The following GAPVD1 variants were observed in gnomAD, a reference collection of about 807,000 sequenced individuals.
The protein encoded by GAPVD1 is GTPase-activating protein and VPS9 domain-containing protein 1.
A neutral mutation model predicts 155.5 loss-of-function variants in GAPVD1; 35 were observed. That is an observed-to-expected ratio of 0.23 (90% CI 0.17 to 0.30). GAPVD1 has a LOEUF of 0.30. Among genes scored for constraint, GAPVD1 ranks in the 10% least tolerant of loss-of-function variants. The probability of loss-of-function intolerance (pLI) is 1.00; values close to 1 mark genes in which losing one functional copy is unlikely to be tolerated. For missense variants in GAPVD1, 1,429 were observed against 1,775.7 expected (o/e 0.80, Z 3.51); for synonymous variants, 636 against 619.7 (o/e 1.03, Z -0.39).
rs1311203013 is a variant in GAPVD1, at chr9:125,362,682, C to A, written c.4319C>A (p.Ser1440Tyr). The A allele has an allele frequency of 6.2e-7, 1 of 1,613,360 alleles. No homozygotes were observed. Among genetic ancestry groups the A allele is most frequent in the Admixed American group, 1.7e-5 (1 of 59,950 alleles). The change falls in exon 28 of 28, where the codon TCC becomes TAC. Residue 1440 changes from serine (S) to tyrosine (Y), a missense_variant. Coordinates refer to ENST00000297933, the MANE Select transcript of GAPVD1 (RefSeq NM_001282680.3). ...GCTAGCTGTCTGTCTGGAGAGGAGT[C>A]CTATTGGTGGATGCAGTTCACAGCA... ...FYASCLSGEE[S>Y]YWWMQFTAAV...
At chr9:125,295,901 G>A (rs933244675) in intron 3 of GAPVD1, among the ~76,000 whole-genome samples, 2 of 152,016 alleles carry the variant, frequency 1.3e-5, no homozygotes, top group Non-Finnish European at 2.9e-5. Flanking sequence ...TAGGCGATTT[G>A]GCTAGGCTCC....
intron 8 of GAPVD1, among the ~76,000 whole-genome samples, chr9:125,311,990 G>A (rs764688562): frequency 6.6e-6 from 1 of 152,158 alleles, no homozygotes; most frequent in Non-Finnish European, 1.5e-5. Flanking sequence ...AAAGTGCTAG[G>A]ATTACAGGAG....
intron 23 of GAPVD1, among the ~76,000 whole-genome samples, chr9:125,353,046 A>G (rs963927924): frequency 1.3e-5 from 2 of 152,026 alleles, no homozygotes; most frequent in Non-Finnish European, 2.9e-5. Flanking sequence ...AGCGGAGGTT[A>G]CAGTGAGCTG....
At chr9:125,341,537 A>C (rs1457810539) in intron 18 of GAPVD1, 1 of 274,064 alleles carries the variant, frequency 3.6e-6, no homozygotes, top group Admixed American at 4.8e-5. Flanking sequence ...GAAGTTAAAC[A>C]TATAGAGGAC....
intron 23 of GAPVD1, among the ~76,000 whole-genome samples, chr9:125,352,790 C>T (rs1232066884): frequency 3.3e-5 from 5 of 152,126 alleles, no homozygotes; most frequent in Admixed American, 2.0e-4. Flanking sequence ...AGTTTCTGAA[C>T]GTTTATGCTC....
chr9:125,292,198 C>G lies in GAPVD1; in HGVS notation c.-149-3260C>G, dbSNP rs1428738466. ...GCTGCAGTGAGCCATGATACCGCCA[C>G]TGCACTCCGCTTGGATGACAGCAAG... is the stretch of plus-strand genomic sequence containing the variant. On this transcript the variant is annotated intron_variant, in intron 2 of 27. Transcript: ENST00000297933. Among the ~76,000 whole-genome samples the G allele has an allele frequency of 3.9e-5, 6 of 152,246 alleles. No homozygotes were observed. In the East Asian group the frequency reaches 1.2e-3, roughly 29 times the overall value.
intron 2 of GAPVD1, among the ~76,000 whole-genome samples, chr9:125,274,326 GT>G (rs952978581): frequency 6.6e-6 from 1 of 151,302 alleles, no homozygotes; most frequent in Non-Finnish European, 1.5e-5. Context: ...CCTGTTCTTT[GT>G]TTTTTTAAAA....
At chr9:125,289,178 T>C (rs983549736) in intron 2 of GAPVD1, among the ~76,000 whole-genome samples, 40 of 152,284 alleles carry the variant, frequency 2.6e-4, no homozygotes, top group African/African-American at 9.4e-4. Flanking sequence ...ATGAATTATA[T>C]GGTCTCCTGG....
At chr9:125,337,769 T>C (rs554719749) in intron 17 of GAPVD1, among the ~76,000 whole-genome samples, 178 bp downstream of exon 17, 2 of 152,304 alleles carry the variant, frequency 1.3e-5, no homozygotes, top group South Asian at 4.1e-4. Flanking sequence ...ACAACTTTGG[T>C]TTTGTAGTGA....
At chr9:125,342,645 G>A (rs1847978270) in intron 19 of GAPVD1, among the ~76,000 whole-genome samples, 1 of 152,168 alleles carries the variant, frequency 6.6e-6, no homozygotes, top group African/African-American at 2.4e-5. Context: ...TGCTGTGCAT[G>A]CTGTATCTTT....
rs747308846 is a variant in GAPVD1, at chr9:125,364,162, C to T, written c.*1416C>T. 2.0e-5 allele frequency: 3 copies of T among 152,186 alleles called. No homozygotes were observed. The highest frequency in any genetic ancestry group is 4.8e-5 in the African/African-American group (2 of 41,442). The allele number at this position is 152,186 out of a possible 1,614,324, so 9.4% of individuals were successfully genotyped here. On this transcript the variant is annotated 3_prime_UTR_variant, in exon 28 of 28. Coordinates refer to ENST00000297933, the MANE Select transcript of GAPVD1 (RefSeq NM_001282680.3). The stretch of plus-strand genomic sequence containing the variant: ...ACAAACAGCCTCGGGCAGATGAACA[C>T]GGAGGCTCTCTGTTGTCTGTCTCTG...
At chr9:125,271,226 CTAAGA>C (rs1160486822) in intron 2 of GAPVD1, among the ~76,000 whole-genome samples, 3 of 152,020 alleles carry the variant, frequency 2.0e-5, no homozygotes, top group Non-Finnish European at 4.4e-5. Flanking sequence ...GCTTGTTAAT[CTAAGA>C]TGTCTGTCCG....
intron 11 of GAPVD1, 138 bp downstream of exon 11, chr9:125,324,061 C>T: frequency 1.5e-6 from 1 of 663,630 alleles, no homozygotes; most frequent in Non-Finnish European, 2.5e-6. Flanking sequence ...TTCATCATTC[C>T]TTCAGTTCTT....
At chr9:125,354,027 T>C (rs987288203) in intron 23 of GAPVD1, among the ~76,000 whole-genome samples, 1 of 152,214 alleles carries the variant, frequency 6.6e-6, no homozygotes, top group Non-Finnish European at 1.5e-5. Context: ...TTTCTTTTCT[T>C]AGTGGTGATA....
intron 2 of GAPVD1, among the ~76,000 whole-genome samples, chr9:125,272,494 T>C (rs1004055590): frequency 2.4e-4 from 36 of 152,196 alleles, no homozygotes; most frequent in African/African-American, 8.7e-4. Context: ...AAGGCCTCTC[T>C]ATGAATAAGT....
At chr9:125,332,191 TC>T in intron 14 of GAPVD1, 131 bp downstream of exon 14, 1 of 890,750 alleles carries the variant, frequency 1.1e-6, no homozygotes. Flanking sequence ...CAAACTTATT[TC>T]CATTGCACCT....
At chr9:125,269,249 G>A (rs1212739048) in intron 2 of GAPVD1, among the ~76,000 whole-genome samples, 1 of 151,856 alleles carries the variant, frequency 6.6e-6, no homozygotes, top group African/African-American at 2.4e-5. Flanking sequence ...TATTTGCTTT[G>A]GACAGACTAG....
At chr9:125,356,422 G>A (rs187234495) in intron 25 of GAPVD1, among the ~76,000 whole-genome samples, 1 of 152,330 alleles carries the variant, frequency 6.6e-6, no homozygotes. Context: ...CCCACCAGTT[G>A]TGACAACCAC....
At chr9:125,276,640 G>C (rs770397838) in intron 2 of GAPVD1, among the ~76,000 whole-genome samples, 8 of 152,200 alleles carry the variant, frequency 5.3e-5, no homozygotes, top group Non-Finnish European at 1.0e-4. Context: ...AGTGAGCCGA[G>C]AGTGCACCAT....
Sources: gnomAD v4.1 joint callset for allele counts (sites outside exome capture counted in the v4.1 genomes callset) on GRCh38, gnomAD v4.1.1 for gene constraint, MANE v1.5 for transcripts, NCBI Gene and HGNC (gene_info 2026-07-23, HGNC 2026-07-21) for gene names.